Variants in LTBP4 observed in about 807,000 individuals in gnomAD.
LTBP4 encodes latent transforming growth factor beta binding protein 4.
LTBP4 carries 93 observed loss-of-function variants against 180.2 expected under a neutral mutation model. The observed-to-expected ratio is 0.52, with a 90% CI of 0.44 to 0.61. The LOEUF (loss-of-function observed/expected upper bound fraction) is 0.61. Among genes scored for constraint, LTBP4 ranks in the 20% least tolerant of loss-of-function variants. LTBP4 has a pLI of 0.00. For synonymous variants in LTBP4, 947 were observed against 934.5 expected (o/e 1.01, Z -0.24); for missense variants, 2,116 against 2,256.5 (o/e 0.94, Z 1.26).
chr19:40,609,932 CCA>C lies in LTBP4; in HGVS notation c.1684+62_1684+63del. The C allele has an allele frequency of 6.8e-7, 1 of 1,463,134 alleles. No individual in the cohort carries two copies. The highest frequency in any genetic ancestry group is 1.4e-5 in the South Asian group (1 of 72,446). The allele number at this position is 1,463,134 out of a possible 1,614,324, so 90.6% of individuals were successfully genotyped here. ...CCAGGGTCTCGCTCCTGCTCTCACT[CCA>C]GAGCCTCTCCAGCCCTCCCACGCTT... is the stretch of plus-strand genomic sequence containing the variant. On this transcript the variant is annotated intron_variant, in intron 11 of 29. Coordinates refer to ENST00000396819, the MANE Select transcript of LTBP4 (RefSeq NM_001042545.2). This position sits in a 1 kb window ranked among gnomAD's most constrained non-coding sequence, Gnocchi z 4.9.
In LTBP4 at chr19:40,605,910, A is replaced by T. The variant is rs2081458013; in HGVS notation, c.793+79A>T. The T allele has an allele frequency of 2.8e-6, 4 of 1,431,030 alleles. No individual in the cohort carries two copies. Among genetic ancestry groups the T allele is most frequent in the Non-Finnish European group, 3.8e-6 (4 of 1,066,094 alleles). The allele number at this position is 1,431,030 out of a possible 1,614,324, so 88.6% of individuals were successfully genotyped here. ...CACCGTTCCTCCTACTCTGCCCTAG[A>T]TAAACCCAGTTCACAAATTGTAGCC... is the stretch of plus-strand genomic sequence containing the variant. On this transcript the variant is annotated intron_variant, in intron 4 of 29. Coordinates refer to ENST00000396819, the MANE Select transcript of LTBP4 (RefSeq NM_001042545.2). The surrounding 1 kb of genome is among the most constrained non-coding windows in gnomAD (Gnocchi z 5.5).
Position 40,614,305 on chromosome 19 carries a change from C to G in LTBP4, c.2681-10C>G, listed in dbSNP as rs200914063. On this transcript the variant is annotated splice_polypyrimidine_tract_variant and intron_variant, in intron 18 of 29. Transcript: ENST00000396819. ...CTTCCCACATCCGACCACCCGACCT[C>G]TCTCCTCAGACGTGGACGAATGTCG... 6.9e-4 allele frequency: 1,099 copies of G among 1,594,638 alleles called. 7 individuals carry two copies. The highest frequency in any genetic ancestry group is 2.3e-3 in the Middle Eastern group (14 of 6,040).
Position 40,622,375 on chromosome 19 carries a change from T to C in LTBP4, c.3218-26T>C. On this transcript the variant is annotated intron_variant, in intron 22 of 29. Transcript: ENST00000396819. The surrounding 1 kb of genome is among the most constrained non-coding windows in gnomAD (Gnocchi z 5.1). ...GCGGGGCTGGGGATTCAGCCCACAC[T>C]GGGCTAAAGCTCCTTGTCTCCCCAG... 2 of 1,474,336 alleles carry C rather than the reference T, an allele frequency of 1.4e-6. No homozygotes were observed. Among genetic ancestry groups the C allele is most frequent in the South Asian group, 1.4e-5 (1 of 72,596 alleles). The allele number at this position is 1,474,336 out of a possible 1,614,324, so 91.3% of individuals were successfully genotyped here. A position where few individuals can be genotyped will look rare whatever the true frequency, so the allele number is the denominator to read the frequency against.
intron 1 of LTBP4, among the ~76,000 whole-genome samples, chr19:40,602,016 C>T (rs2081427455): frequency 6.6e-6 from 1 of 151,616 alleles, no homozygotes; most frequent in Admixed American, 6.6e-5. Flanking sequence ...CTCAGGACCG[C>T]ATGGGGGACG....
intron 11 of LTBP4, 122 bp from the exon 12 acceptor site, chr19:40,610,410 G>T (rs1869711): frequency 1.7e-6 from 2 of 1,207,394 alleles, no homozygotes; most frequent in African/African-American, 1.5e-5. Flanking sequence ...TCCTGGCCGG[G>T]TCCCCATCCT....
intron 1 of LTBP4, among the ~76,000 whole-genome samples, chr19:40,595,432 C>G (rs1040968419): frequency 2.9e-5 from 4 of 137,468 alleles, no homozygotes; most frequent in Admixed American, 2.3e-4. Flanking sequence ...AGGCTCTGCC[C>G]CTGACCCACA....
In LTBP4 at chr19:40,605,424, C is replaced by T. The variant is rs756943219; in HGVS notation, c.462C>T (p.Ser154=). 6 of 1,612,762 alleles carry T rather than the reference C, an allele frequency of 3.7e-6. No individual in the cohort carries two copies. The East Asian group carries it at 1.1e-4, about 30-fold the overall frequency. The change falls in exon 3 of 30, where the codon AGC becomes AGT. Residue 154 remains serine (S), a synonymous_variant. Transcript: ENST00000396819. The surrounding 1 kb of genome is among the most constrained non-coding windows in gnomAD (Gnocchi z 5.5). ...DDEHGVASMV[S]VHVEHPQEAS... is the part of the protein sequence containing the mutation. ...CCCTAGGCGTGGCATCTATGGTGAG[C>T]GTCCACGTGGAGCACCCGCAGGAGG...
At chr19:40,614,850 C>T (rs1050848760) in intron 19 of LTBP4, among the ~76,000 whole-genome samples, 3 of 152,192 alleles carry the variant, frequency 2.0e-5, no homozygotes, top group African/African-American at 7.2e-5. Flanking sequence ...CTACTTCCAG[C>T]CTTCCCTCCA....
In LTBP4 at chr19:40,627,015, A is replaced by T. The variant is rs2081638570; in HGVS notation, c.4026A>T (p.Ala1342=). The change falls in exon 28 of 30, where the codon GCA becomes GCT. Residue 1342 remains alanine, a synonymous_variant. Coordinates refer to ENST00000396819, the MANE Select transcript of LTBP4 (RefSeq NM_001042545.2). ...TGTGCAATGTGCTACGCCCCCCCGC[A>T]TATAGCCCCCCGCGACCAGGTGGCT... is the stretch of plus-strand genomic sequence containing the variant. ...EALCNVLRPP[A]YSPPRPGGFG... 1.9e-6 allele frequency: 3 copies of T among 1,598,190 alleles called. No homozygotes were observed. The highest frequency in any genetic ancestry group is 1.3e-5 in the African/African-American group (1 of 74,582).
intron 7 of LTBP4, 39 bp downstream of exon 7, chr19:40,607,568 C>T: frequency 6.4e-7 from 1 of 1,553,830 alleles, no homozygotes. Flanking sequence ...ACGCGCAACA[C>T]ATGTGGCGCT....
chr19:40,618,995 G>C (rs916113236), intron 21 of LTBP4, among the ~76,000 whole-genome samples: 8 of 152,076 alleles, frequency 5.3e-5, no homozygotes, highest in African/African-American at 1.9e-4. Context: ...GCTAAAAAGG[G>C]AGGTTTTTTT....
rs748684219 is a variant in LTBP4, at chr19:40,606,319, C to T, written c.868+12C>T. On this transcript the variant is annotated intron_variant, in intron 5 of 29. Coordinates refer to ENST00000396819, the MANE Select transcript of LTBP4 (RefSeq NM_001042545.2). The stretch of plus-strand genomic sequence containing the variant: ...TGGGTCCTGCGAAGGTGCAACGGGG[C>T]AGGGGTGGGAGGGGCTTGGTTCTGG... 1.8e-5 allele frequency: 29 copies of T among 1,600,542 alleles called. 1 individual carries two copies. The highest frequency in any genetic ancestry group is 1.7e-6 in the Non-Finnish European group (2 of 1,173,634).
In LTBP4 at chr19:40,611,010, A is replaced by G. The variant is rs2081501654; in HGVS notation, c.1811-142A>G. 1 of 1,174,524 alleles carries G rather than the reference A, an allele frequency of 8.5e-7. No homozygotes were observed. 72.8% of individuals were successfully genotyped at this position (1,174,524 alleles called of 1,614,324 possible). Reference sequence around the variant, plus strand: ...CAGGCAGCTTAGTAGGGATTGGTGGAGGATGCAGAGTCAGATGATGGTGAC... The same window carrying G: ...CAGGCAGCTTAGTAGGGATTGGTGGGGGATGCAGAGTCAGATGATGGTGAC... On this transcript the variant is annotated intron_variant, in intron 12 of 29. Coordinates refer to ENST00000396819, the MANE Select transcript of LTBP4 (RefSeq NM_001042545.2). The surrounding 1 kb of genome is among the most constrained non-coding windows in gnomAD (Gnocchi z 4.4).
chr19:40,603,477 C>T (rs2081437763), intron 1 of LTBP4, among the ~76,000 whole-genome samples: 1 of 152,164 alleles, frequency 6.6e-6, no homozygotes, highest in Admixed American at 6.5e-5. Flanking sequence ...TCCTAGGCGG[C>T]ACTAGAGTCC....
In LTBP4 at chr19:40,605,424, C is replaced by G. The variant is rs756943219; in HGVS notation, c.462C>G (p.Ser154Arg). The change falls in exon 3 of 30, where the codon AGC becomes AGG. Residue 154 changes from serine to arginine, a missense_variant. Physicochemically the swap from Ser to Arg is moderately radical, Grantham distance 110 (BLOSUM62 -1). Coordinates refer to ENST00000396819, the MANE Select transcript of LTBP4 (RefSeq NM_001042545.2). The surrounding 1 kb of genome is among the most constrained non-coding windows in gnomAD (Gnocchi z 5.5). The stretch of plus-strand genomic sequence containing the variant: ...CCCTAGGCGTGGCATCTATGGTGAG[C>G]GTCCACGTGGAGCACCCGCAGGAGG... ...DDEHGVASMV[S>R]VHVEHPQEAS... 22 of 1,612,880 alleles carry G rather than the reference C, an allele frequency of 1.4e-5. No homozygotes were observed. The highest frequency in any genetic ancestry group is 1.7e-5 in the Non-Finnish European group (20 of 1,179,864).
intron 28 of LTBP4, 146 bp from the exon 29 acceptor site, chr19:40,627,559 T>A: frequency 7.9e-7 from 1 of 1,272,270 alleles, no homozygotes; most frequent in Non-Finnish European, 1.1e-6. Flanking sequence ...GAGGTAAGCT[T>A]ACTGGCCCCG....
rs1247107826 is a variant in LTBP4, at chr19:40,622,374, C to T, written c.3218-27C>T. 1.4e-6 allele frequency: 2 copies of T among 1,475,398 alleles called. No individual in the cohort carries two copies. Among genetic ancestry groups the T allele is most frequent in the South Asian group, 1.4e-5 (1 of 72,798 alleles). 91.4% of individuals were successfully genotyped at this position (1,475,398 alleles called of 1,614,324 possible). A position where few individuals can be genotyped will look rare whatever the true frequency, so the allele number is the denominator to read the frequency against. On this transcript the variant is annotated intron_variant, in intron 22 of 29. Transcript: ENST00000396819. The surrounding 1 kb of genome is among the most constrained non-coding windows in gnomAD (Gnocchi z 5.1). ...GGCGGGGCTGGGGATTCAGCCCACACTGGGCTAAAGCTCCTTGTCTCCCCA... is the reference window on the plus strand; with the variant it reads ...GGCGGGGCTGGGGATTCAGCCCACATTGGGCTAAAGCTCCTTGTCTCCCCA...
rs2081621809 is a variant in LTBP4 at position 40,625,289 on chromosome 19, TATATATATATATATATA to T, written c.3833-567_3833-551del. ...ATATATATATATATATATATATATA[TATATATATATATATATA>T]TATATATATATTTTTTTTTTTAAAG... On this transcript the variant is annotated intron_variant, in intron 26 of 29. Transcript: ENST00000396819. Among the ~76,000 whole-genome samples the T allele has an allele frequency of 3.8e-4, 4 of 10,474 alleles. 1 individual carries two copies. In the African/African-American group the frequency reaches 4.8e-3, roughly 13 times the overall value. 6.9% of individuals were successfully genotyped at this position (10,474 alleles called of 152,430 possible).
rs367997534 is a variant in LTBP4 at position 40,619,060 on chromosome 19, A to G, written c.3071-287A>G. 1.2e-4 allele frequency among the ~76,000 whole-genome samples: 18 copies of G among 151,948 alleles called. 1 individual carries two copies. The highest frequency in any genetic ancestry group is 4.3e-4 in the African/African-American group (18 of 41,434). ...TGGCTTTGATTGACCCAGCATGATC[A>G]CTGCCTATGTCTGAACCAGAGAAAT... On this transcript the variant is annotated intron_variant, in intron 21 of 29. Transcript: ENST00000396819.
Sources: allele counts gnomAD v4.1 joint callset (sites outside exome capture counted in the v4.1 genomes callset), GRCh38; gene constraint gnomAD v4.1.1; non-coding constraint Gnocchi (gnomAD v3.1); transcripts MANE v1.5; gene names NCBI Gene and HGNC (gene_info 2026-07-23, HGNC 2026-07-21).